Variants in KAZN observed in about 807,000 individuals in gnomAD.
KAZN encodes the protein kazrin, periplakin interacting protein.
A neutral mutation model predicts 87.4 loss-of-function variants in KAZN; 40 were observed. The ratio of observed to expected loss-of-function variants is 0.46; its 90% CI spans 0.36 to 0.60. KAZN has a LOEUF of 0.60. Ranked by LOEUF, KAZN falls within the 20% of genes least tolerant of loss-of-function variation. KAZN has a pLI of 0.00. For missense variants in KAZN, 898 were observed against 1,073.9 expected (o/e 0.84, Z 2.29); for synonymous variants, 466 against 458.3 (o/e 1.02, Z -0.22).
At chr1:14,345,517 A>C (rs1317111838) in intron 2 of KAZN, among the ~76,000 whole-genome samples, 2 of 152,248 alleles carry the variant, frequency 1.3e-5, no homozygotes, top group African/African-American at 4.8e-5. Context: ...TCAACTCAGA[A>C]TCATTGAGAT....
intron 2 of KAZN, among the ~76,000 whole-genome samples, chr1:14,325,455 C>G (rs1288614995): frequency 1.3e-5 from 2 of 152,124 alleles, no homozygotes; most frequent in Admixed American, 6.6e-5. Flanking sequence ...CTGACATGAC[C>G]TCTGAGCATC....
chr1:13,937,682 C>G lies in KAZN; in HGVS notation c.91+43926C>G, dbSNP rs186992749. Reference sequence around the variant, plus strand: ...AGGTCTTATATTTAAGTCTTTAATCCATCTTGAGTTAATTTTTGTGTATAG... The same window carrying G: ...AGGTCTTATATTTAAGTCTTTAATCGATCTTGAGTTAATTTTTGTGTATAG... On this transcript the variant is annotated intron_variant, in intron 1 of 16. Coordinates refer to the KAZN transcript ENST00000636203. 2.6e-5 allele frequency among the ~76,000 whole-genome samples: 4 copies of G among 152,052 alleles called. No homozygotes were observed. The East Asian group carries it at 7.7e-4, about 29-fold the overall frequency.
rs147232150 is a variant in KAZN at position 14,775,641 on chromosome 1, C to T, written c.226+176418C>T. ...GACGTAAAACATGCGCCATGCTGCT[C>T]GCCACACTTCCTCAACGTGCGCCAT... On this transcript the variant is annotated intron_variant, in intron 1 of 14. Transcript: ENST00000376030. 2.8e-3 allele frequency among the ~76,000 whole-genome samples: 420 copies of T among 152,318 alleles called. 2 individuals carry two copies. Among genetic ancestry groups the T allele is most frequent in the African/African-American group, 9.4e-3 (389 of 41,566 alleles).
intron 1 of KAZN, among the ~76,000 whole-genome samples, chr1:14,117,180 C>T (rs1036585995): frequency 2.0e-5 from 3 of 152,128 alleles, no homozygotes; most frequent in African/African-American, 7.2e-5. Flanking sequence ...TATGTGAGGA[C>T]ATGAGATTTG....
At position 14,813,239 on chromosome 1, in the gene KAZN, C is replaced by T. The variant is rs1322290541; in HGVS notation, c.227-147445C>T. The stretch of plus-strand genomic sequence containing the variant: ...TACTTGAGATGTAGAATCTAATCTG[C>T]CTTCTCTTGAATCTGGATTAATGAC... On this transcript the variant is annotated intron_variant, in intron 1 of 14. Transcript: ENST00000376030. Among the ~76,000 whole-genome samples, 4 of 152,132 alleles carry T rather than the reference C, an allele frequency of 2.6e-5. No homozygotes were observed. In the East Asian group the frequency reaches 5.8e-4, roughly 22 times the overall value.
At chr1:14,765,306 TAGA>T (rs761007109) in intron 1 of KAZN, among the ~76,000 whole-genome samples, 80 of 152,274 alleles carry the variant, frequency 5.3e-4, no homozygotes, top group Non-Finnish European at 9.6e-4. Flanking sequence ...GTAGATGAAA[TAGA>T]AGCAGTTCTC....
chr1:14,155,988 C>A (rs145933012), intron 1 of KAZN, among the ~76,000 whole-genome samples: 2,436 of 152,166 alleles, frequency 0.016, 40 homozygotes, highest in South Asian at 0.037. Flanking sequence ...ATAAACTTCC[C>A]TCTTAGTACT....
chr1:14,833,031 A>G (rs1170899668), intron 1 of KAZN, among the ~76,000 whole-genome samples: 1 of 152,198 alleles, frequency 6.6e-6, no homozygotes, highest in African/African-American at 2.4e-5. Flanking sequence ...AAAATTGATA[A>G]TGAATAATTT....
At chr1:15,026,452 A>G (rs1459947374) in intron 2 of KAZN, among the ~76,000 whole-genome samples, 3 of 152,184 alleles carry the variant, frequency 2.0e-5, no homozygotes, top group Non-Finnish European at 4.4e-5. Flanking sequence ...AGAAGCTAAA[A>G]GGAAGCTCAC....
At chr1:15,031,332 A>G (rs535082531) in intron 2 of KAZN, among the ~76,000 whole-genome samples, 1 of 152,346 alleles carries the variant, frequency 6.6e-6, no homozygotes, top group South Asian at 2.1e-4. Context: ...CCACAACTCC[A>G]GACACAAGGA....
At chr1:14,916,214 G>GGCTGAAAT (rs1211241020) in intron 1 of KAZN, among the ~76,000 whole-genome samples, 1 of 118,972 alleles carries the variant, frequency 8.4e-6, no homozygotes, top group African/African-American at 3.2e-5. Flanking sequence ...TTGTCACCCA[G>GGCTGAAAT]GCTGAAATGC....
chr1:14,283,444 C>A (rs1031011972), intron 2 of KAZN, among the ~76,000 whole-genome samples: 1 of 152,102 alleles, frequency 6.6e-6, no homozygotes, highest in African/African-American at 2.4e-5. Flanking sequence ...TCCAAACAGA[C>A]GTCTCTTACA....
At chr1:14,483,822 C>CA (rs1418722167) in intron 2 of KAZN, among the ~76,000 whole-genome samples, 5 of 152,126 alleles carry the variant, frequency 3.3e-5, no homozygotes, top group African/African-American at 9.7e-5. Flanking sequence ...GGTCATAGAT[C>CA]AAAAAATCAT....
chr1:14,005,365 A>G (rs540386078), intron 1 of KAZN, among the ~76,000 whole-genome samples: 6 of 152,024 alleles, frequency 3.9e-5, no homozygotes, highest in Non-Finnish European at 8.8e-5. Flanking sequence ...GGCAGGATAC[A>G]GAAGAGGGAG....
chr1:14,595,670 G>A (rs1391945714), upstream of KAZN, among the ~76,000 whole-genome samples: 2 of 114,536 alleles, frequency 1.7e-5, no homozygotes, highest in Non-Finnish European at 3.3e-5. Flanking sequence ...GACAGAGCAA[G>A]ACTGCGTCTC....
chr1:14,043,750 C>A (rs6657363), intron 1 of KAZN, among the ~76,000 whole-genome samples: 7 of 151,842 alleles, frequency 4.6e-5, no homozygotes, highest in Non-Finnish European at 1.0e-4. Context: ...CACATCAACT[C>A]GGAGGGAGGT....
chr1:14,787,527 T>C (rs533597036), intron 1 of KAZN, among the ~76,000 whole-genome samples: 16 of 152,318 alleles, frequency 1.1e-4, no homozygotes, highest in Non-Finnish European at 2.2e-4. Context: ...TGGTAAGGAT[T>C]AAATGTTTGA....
intron 2 of KAZN, among the ~76,000 whole-genome samples, chr1:14,527,659 C>T (rs1671961289): frequency 6.6e-6 from 1 of 152,004 alleles, no homozygotes; most frequent in Non-Finnish European, 1.5e-5. Context: ...GCTCCAGCTG[C>T]TTCCACTTAT....
At chr1:14,209,331 G>C (rs1235919754) in intron 2 of KAZN, among the ~76,000 whole-genome samples, 1 of 152,172 alleles carries the variant, frequency 6.6e-6, no homozygotes, top group African/African-American at 2.4e-5. Context: ...GGTGTGGCAT[G>C]GGGGAGACTG....
Sources: allele counts gnomAD v4.1 joint callset (sites outside exome capture counted in the v4.1 genomes callset), GRCh38; gene constraint gnomAD v4.1.1; transcripts MANE v1.5; gene names NCBI Gene and HGNC (gene_info 2026-07-23, HGNC 2026-07-21).